The following CACNA1E variants were observed in gnomAD, a reference collection of about 807,000 sequenced individuals.
The protein encoded by CACNA1E is voltage-dependent R-type calcium channel subunit alpha-1E.
A neutral mutation model predicts 259.2 loss-of-function variants in CACNA1E; 40 were observed. The observed-to-expected ratio is 0.15, with a 90% CI of 0.12 to 0.20. CACNA1E has a LOEUF of 0.20. CACNA1E is among the 10% of genes least tolerant of loss of function. The probability of loss-of-function intolerance (pLI) is 1.00; values close to 1 mark genes in which losing one functional copy is unlikely to be tolerated. For missense variants in CACNA1E, 1,874 were observed against 3,040.1 expected (o/e 0.62, Z 9.02); for synonymous variants, 1,104 against 1,138.5 (o/e 0.97, Z 0.61).
At chr1:181,527,999 A>G (rs1456617342) in intron 3 of CACNA1E, among the ~76,000 whole-genome samples, 1 of 152,116 alleles carries the variant, frequency 6.6e-6, no homozygotes, top group Admixed American at 6.5e-5. Flanking sequence ...CTACTGGATT[A>G]TCAAACTCTT....
intron 1 of CACNA1E, among the ~76,000 whole-genome samples, chr1:181,364,355 A>G (rs1654108532): frequency 6.6e-6 from 1 of 152,146 alleles, no homozygotes; most frequent in Non-Finnish European, 1.5e-5. Context: ...TTGTCCTTAG[A>G]ATGTGAGCTC....
At chr1:181,659,126 C>T (rs1009711725) in intron 7 of CACNA1E, among the ~76,000 whole-genome samples, 1 of 151,976 alleles carries the variant, frequency 6.6e-6, no homozygotes, top group South Asian at 2.1e-4. Flanking sequence ...GTTCCCAGAG[C>T]AGAGAGAGAC....
chr1:181,600,373 G>A (rs1381650946), intron 6 of CACNA1E, among the ~76,000 whole-genome samples: 4 of 152,206 alleles, frequency 2.6e-5, no homozygotes, highest in Non-Finnish European at 5.9e-5. Context: ...TTGAACAGAT[G>A]AGGTAGAAGA....
At position 181,788,051 on chromosome 1, in the gene CACNA1E, T is replaced by G. The variant is rs75257753; in HGVS notation, c.5786+2232T>G. Among the ~76,000 whole-genome samples the G allele has an allele frequency of 0.01, 1,561 of 152,298 alleles. 70 individuals carry two copies. In the East Asian group the frequency reaches 0.13, roughly 12 times the overall value. On this transcript the variant is annotated intron_variant, in intron 43 of 47. Coordinates refer to ENST00000367573, the MANE Select transcript of CACNA1E (RefSeq NM_001205293.3). ...GCTAAATGGATTGGAGGGAAGCATT[T>G]CTAGAGGCAGGAACACCATTTCGTA... is the stretch of plus-strand genomic sequence containing the variant.
intron 7 of CACNA1E, among the ~76,000 whole-genome samples, chr1:181,665,906 A>G (rs1427320060): frequency 2.0e-5 from 3 of 152,088 alleles, no homozygotes; most frequent in African/African-American, 7.2e-5. Context: ...AACAGAATTC[A>G]TTCTTTAACT....
At chr1:181,587,092 G>GA (rs1477677600) in intron 6 of CACNA1E, among the ~76,000 whole-genome samples, 2 of 152,160 alleles carry the variant, frequency 1.3e-5, no homozygotes, top group African/African-American at 2.4e-5. Flanking sequence ...AGTAGAGGAA[G>GA]AACAAGTGGC....
intron 18 of CACNA1E, among the ~76,000 whole-genome samples, chr1:181,729,961 G>A (rs958613123): frequency 2.6e-5 from 4 of 152,136 alleles, no homozygotes; most frequent in Non-Finnish European, 5.9e-5. Context: ...GTGCCTTGTT[G>A]CATTGCAGGT....
chr1:181,590,244 A>G (rs769759199), intron 6 of CACNA1E, among the ~76,000 whole-genome samples: 45 of 151,832 alleles, frequency 3.0e-4, no homozygotes, highest in Non-Finnish European at 5.3e-4. Flanking sequence ...GGTGCCAGGT[A>G]CTAGGGGCCC....
chr1:181,338,974 T>C (rs1651935195), intron 1 of CACNA1E, among the ~76,000 whole-genome samples: 1 of 152,164 alleles, frequency 6.6e-6, no homozygotes, highest in African/African-American at 2.4e-5. Flanking sequence ...GTTGACTGTC[T>C]ATGCTTCGAA....
At chr1:181,429,799 C>G (rs1369831811) in intron 2 of CACNA1E, among the ~76,000 whole-genome samples, 2 of 152,176 alleles carry the variant, frequency 1.3e-5, no homozygotes, top group Non-Finnish European at 2.9e-5. Context: ...TGTCTAGACC[C>G]CAACCCTCAA....
At chr1:181,463,884 TA>T (rs1479346599) in intron 2 of CACNA1E, among the ~76,000 whole-genome samples, 6 of 152,102 alleles carry the variant, frequency 3.9e-5, no homozygotes, top group Non-Finnish European at 1.5e-5. Context: ...CATACTGAGA[TA>T]AAAAAGAAGT....
chr1:181,379,097 A>G (rs1655291429), intron 1 of CACNA1E, among the ~76,000 whole-genome samples: 3 of 152,362 alleles, frequency 2.0e-5, no homozygotes, highest in South Asian at 2.1e-4. Flanking sequence ...TGTATTAAAT[A>G]CGTTCAAAAA....
chr1:181,440,943 T>C (rs1180765309), intron 2 of CACNA1E, among the ~76,000 whole-genome samples: 1 of 134,506 alleles, frequency 7.4e-6, no homozygotes, highest in Non-Finnish European at 1.5e-5. Context: ...GTCATGCCAT[T>C]GCACTCCAGC....
rs1342420611 is a variant in CACNA1E, at chr1:181,535,555, C to T, written c.512+24045C>T. Among the ~76,000 whole-genome samples the T allele has an allele frequency of 2.0e-5, 3 of 152,010 alleles. No individual in the cohort carries two copies. The East Asian group carries it at 5.8e-4, about 29-fold the overall frequency. The stretch of plus-strand genomic sequence containing the variant: ...GTAAATTACATTTCTGCCATATATA[C>T]ACACACATACATACATATGTAATAC... On this transcript the variant is annotated intron_variant, in intron 3 of 47. Coordinates refer to ENST00000367573, the MANE Select transcript of CACNA1E (RefSeq NM_001205293.3).
rs193176275 is a variant in CACNA1E at position 181,794,325 on chromosome 1, G to A, written c.6027+532G>A. Among the ~76,000 whole-genome samples the A allele has an allele frequency of 6.4e-4, 98 of 152,336 alleles. No individual in the cohort carries two copies. In the Middle Eastern group the frequency reaches 0.014, roughly 21 times the overall value. The stretch of plus-strand genomic sequence containing the variant: ...AAATCAAAATGCCAGAATTTAAAAC[G>A]GGGCTAGGTGGGATTGATGGCAGCA... On this transcript the variant is annotated intron_variant, in intron 45 of 47. Coordinates refer to ENST00000367573, the MANE Select transcript of CACNA1E (RefSeq NM_001205293.3).
rs2102547381 is a variant in CACNA1E at position 181,732,200 on chromosome 1, C to T, written c.2298-184C>T. Among the ~76,000 whole-genome samples, 1 of 152,244 alleles carries T rather than the reference C, an allele frequency of 6.6e-6. No individual in the cohort carries two copies. The highest frequency in any genetic ancestry group is 2.1e-4 in the South Asian group (1 of 4,830). On this transcript the variant is annotated intron_variant, in intron 19 of 47. Transcript: ENST00000367573. This position sits in a 1 kb window ranked among gnomAD's most constrained non-coding sequence, Gnocchi z 5.5. ...AGTACCTGGGCTGGGAGGCACCTGC[C>T]TGATGAGCTCCTCACGTGTGGCCCG...
rs189546526 is a variant in CACNA1E, at chr1:181,422,073, T to A, written c.434+8493T>A. 2.0e-5 allele frequency among the ~76,000 whole-genome samples: 3 copies of A among 152,334 alleles called. No individual in the cohort carries two copies. In the East Asian group the frequency reaches 5.8e-4, roughly 29 times the overall value. ...TGGCTCCTGCCGTTGCCTGGAATAT[T>A]TCTCCAGATCTCAACAGGGTTGGTT... On this transcript the variant is annotated intron_variant, in intron 2 of 11. Coordinates refer to the CACNA1E transcript ENST00000524607.
intron 1 of CACNA1E, among the ~76,000 whole-genome samples, chr1:181,338,656 A>G (rs1446388703): frequency 6.6e-6 from 1 of 152,088 alleles, no homozygotes; most frequent in African/African-American, 2.4e-5. Context: ...GAAGCTTTTT[A>G]GTTTGATGCA....
chr1:181,737,394 C>A, intron 22 of CACNA1E, 131 bp from the exon 23 acceptor site: 1 of 994,680 alleles, frequency 1.0e-6, no homozygotes. Context: ...AATTAAATTG[C>A]TCTCCCTGGC....
Sources: allele counts gnomAD v4.1 joint callset (sites outside exome capture counted in the v4.1 genomes callset), GRCh38; gene constraint gnomAD v4.1.1; non-coding constraint Gnocchi (gnomAD v3.1); transcripts MANE v1.5; gene names NCBI Gene and HGNC (gene_info 2026-07-23, HGNC 2026-07-21).